The following ASAP2 variants were observed in gnomAD, a reference collection of about 807,000 sequenced individuals.
ASAP2 encodes arf-GAP with SH3 domain, ANK repeat and PH domain-containing protein 2.
ASAP2 carries 45 observed loss-of-function variants against 131.4 expected under a neutral mutation model. The observed-to-expected ratio is 0.34, with a 90% CI of 0.27 to 0.44. ASAP2 has a LOEUF of 0.44. Ranked by LOEUF, ASAP2 falls within the 20% of genes least tolerant of loss-of-function variation. ASAP2 has a pLI of 1.00. For missense variants in ASAP2, 1,011 were observed against 1,297.0 expected (o/e 0.78, Z 3.39); for synonymous variants, 510 against 503.0 (o/e 1.01, Z -0.19).
At chr2:9,329,544 C>T (rs1204892311) in intron 7 of ASAP2, among the ~76,000 whole-genome samples, 1 of 152,194 alleles carries the variant, frequency 6.6e-6, no homozygotes, top group African/African-American at 2.4e-5. Flanking sequence ...CTTCAGGAAG[C>T]TTCTCGGCTG....
In ASAP2 at chr2:9,257,126, C is replaced by A. The variant is rs547803257; in HGVS notation, c.127-22191C>A. 2.6e-3 allele frequency among the ~76,000 whole-genome samples: 395 copies of A among 152,354 alleles called. 2 individuals carry two copies. Among genetic ancestry groups the A allele is most frequent in the African/African-American group, 8.9e-3 (371 of 41,586 alleles). On this transcript the variant is annotated intron_variant, in intron 1 of 27. Transcript: ENST00000281419. ...GCAGCAGAGGATGGTTTCATTCATT[C>A]CATGTTCGTGGAGTGTTTACACGTG...
intron 2 of ASAP2, among the ~76,000 whole-genome samples, chr2:9,282,998 C>T (rs1448742947): frequency 6.6e-6 from 1 of 152,246 alleles, no homozygotes; most frequent in Non-Finnish European, 1.5e-5. Context: ...GCCCTTGCTT[C>T]CCCACCCATT....
intron 20 of ASAP2, among the ~76,000 whole-genome samples, chr2:9,381,221 A>G (rs1674812891): frequency 1.3e-5 from 2 of 152,168 alleles, no homozygotes; most frequent in Admixed American, 1.3e-4. Flanking sequence ...GCTCAATACC[A>G]TCTTTTCCTG....
chr2:9,374,402 A>G (rs1674222091), intron 16 of ASAP2, among the ~76,000 whole-genome samples: 1 of 152,100 alleles, frequency 6.6e-6, no homozygotes, highest in African/African-American at 2.4e-5. Context: ...CTGGGGGAGG[A>G]GGCGCAGGGC....
At position 9,311,385 on chromosome 2, in the gene ASAP2, C is replaced by T. The variant is rs62121349; in HGVS notation, c.346-7139C>T. 4.6e-5 allele frequency among the ~76,000 whole-genome samples: 7 copies of T among 151,964 alleles called. No homozygotes were observed. Among genetic ancestry groups the T allele is most frequent in the African/African-American group, 1.4e-4 (6 of 41,384 alleles). On this transcript the variant is annotated intron_variant, in intron 3 of 27. Coordinates refer to ENST00000281419, the MANE Select transcript of ASAP2 (RefSeq NM_003887.3). This position sits in a 1 kb window ranked among gnomAD's most constrained non-coding sequence, Gnocchi z 5.2. ...AAAAAAAAAGAAAAAAAAAGTTTGC[C>T]TGCTTGTTGGTCCAACGTTAATAGC...
intron 3 of ASAP2, among the ~76,000 whole-genome samples, chr2:9,306,766 G>C (rs912708030): frequency 6.6e-6 from 1 of 152,090 alleles, no homozygotes; most frequent in Non-Finnish European, 1.5e-5. Flanking sequence ...ACTTTCAGCC[G>C]TTTGGTAATC....
chr2:9,227,622 G>T (rs1051931332), intron 1 of ASAP2, among the ~76,000 whole-genome samples: 5 of 152,160 alleles, frequency 3.3e-5, no homozygotes, highest in Non-Finnish European at 7.3e-5. Flanking sequence ...GTAAGTAGTA[G>T]CCCTGAGACT....
intron 24 of ASAP2, among the ~76,000 whole-genome samples, chr2:9,394,365 C>T (rs1304333224): frequency 2.0e-5 from 3 of 151,916 alleles, no homozygotes; most frequent in South Asian, 2.1e-4. Context: ...GAGGTTTCGC[C>T]GTGTTAGCCA....
chr2:9,338,082 C>T (rs1423231683), intron 9 of ASAP2, among the ~76,000 whole-genome samples: 1 of 152,196 alleles, frequency 6.6e-6, no homozygotes, highest in African/African-American at 2.4e-5. Flanking sequence ...GTCGTCCATC[C>T]GATGGTGTTC....
chr2:9,344,991 T>G (rs1441475615), intron 11 of ASAP2, among the ~76,000 whole-genome samples, 191 bp downstream of exon 11: 2 of 3,564 alleles, frequency 5.6e-4, no homozygotes, highest in African/African-American at 5.9e-4. Context: ...CCTGTTTATG[T>G]TTTTTTTTTT....
intron 1 of ASAP2, among the ~76,000 whole-genome samples, chr2:9,259,019 G>C (rs199536600): frequency 6.6e-6 from 1 of 152,170 alleles, no homozygotes; most frequent in East Asian, 1.9e-4. Flanking sequence ...GCCTTTCTCT[G>C]TGGTGTCTGC....
At chr2:9,263,651 T>C (rs951540381) in intron 1 of ASAP2, among the ~76,000 whole-genome samples, 1 of 152,190 alleles carries the variant, frequency 6.6e-6, no homozygotes, top group African/African-American at 2.4e-5. Context: ...CGGGAGTGCC[T>C]GTGGGCGCTG....
At position 9,260,172 on chromosome 2, in the gene ASAP2, C is replaced by T. The variant is rs1185956717; in HGVS notation, c.127-19145C>T. Among the ~76,000 whole-genome samples, 9 of 152,282 alleles carry T rather than the reference C, an allele frequency of 5.9e-5. 1 individual carries two copies. In the South Asian group the frequency reaches 6.2e-4, roughly 11 times the overall value. ...ACTGTATTGAGTAGCTATTACTGCC[C>T]GCATTTTAAGGATAGGAACACTGAG... On this transcript the variant is annotated intron_variant, in intron 1 of 27. Coordinates refer to ENST00000281419, the MANE Select transcript of ASAP2 (RefSeq NM_003887.3).
intron 19 of ASAP2, among the ~76,000 whole-genome samples, chr2:9,380,218 G>A (rs549220303): frequency 1.3e-5 from 2 of 151,446 alleles, no homozygotes; most frequent in Admixed American, 1.3e-4. Flanking sequence ...TTTTTTTTGA[G>A]GCAGAGTCTC....
chr2:9,356,155 A>G, intron 13 of ASAP2, 24 bp from the exon 14 acceptor site: 1 of 1,614,192 alleles, frequency 6.2e-7, no homozygotes, highest in South Asian at 1.1e-5. Context: ...GGAATTTAAC[A>G]CAGCGTTGCT....
At position 9,288,227 on chromosome 2, in the gene ASAP2, A is replaced by C. The variant is rs77106027; in HGVS notation, c.199+8838A>C. ...GCAAAAAAGCTCAGACCTTGAGCTT[A>C]AATCTTCTACCAAATCAACACGATG... is the stretch of plus-strand genomic sequence containing the variant. On this transcript the variant is annotated intron_variant, in intron 2 of 27. Transcript: ENST00000281419. Among the ~76,000 whole-genome samples the C allele has an allele frequency of 7.6e-3, 1,161 of 152,330 alleles. 18 individuals are homozygous for C. The highest frequency in any genetic ancestry group is 0.026 in the African/African-American group (1,075 of 41,568).
intron 1 of ASAP2, among the ~76,000 whole-genome samples, chr2:9,248,975 G>A (rs191754791): frequency 6.6e-6 from 1 of 152,290 alleles, no homozygotes; most frequent in Admixed American, 6.5e-5. Flanking sequence ...CCTTTAACTT[G>A]CGTAAATTCC....
intron 3 of ASAP2, among the ~76,000 whole-genome samples, chr2:9,304,560 G>T (rs1037725790): frequency 1.3e-5 from 2 of 151,104 alleles, no homozygotes; most frequent in African/African-American, 4.9e-5. Flanking sequence ...AGTTGTGGGG[G>T]TGTAGATACA....
At chr2:9,269,222 TCTC>T (rs1191691425) in intron 1 of ASAP2, among the ~76,000 whole-genome samples, 1 of 150,658 alleles carries the variant, frequency 6.6e-6, no homozygotes, top group Non-Finnish European at 1.5e-5. Flanking sequence ...GTAATGCAGG[TCTC>T]CTAAGGGGAA....
Sources: allele counts gnomAD v4.1 joint callset (sites outside exome capture counted in the v4.1 genomes callset), GRCh38; gene constraint gnomAD v4.1.1; non-coding constraint Gnocchi (gnomAD v3.1); transcripts MANE v1.5; gene names NCBI Gene and HGNC (gene_info 2026-07-23, HGNC 2026-07-21).